Variants in OSBPL8 observed in about 807,000 individuals in gnomAD.
OSBPL8 encodes the protein oxysterol binding protein like 8.
In OSBPL8, 59 loss-of-function variants were observed where a neutral mutation model predicts 125.5. The observed-to-expected ratio is 0.47, with a 90% CI of 0.38 to 0.58. OSBPL8 has a LOEUF of 0.58. OSBPL8 is among the 20% of genes least tolerant of loss of function. The pLI is 0.00. For synonymous variants in OSBPL8, 330 were observed against 338.9 expected (o/e 0.97, Z 0.29); for missense variants, 758 against 1,047.8 (o/e 0.72, Z 3.82).
At chr12:76,536,350 T>G (rs1461011506) in intron 1 of OSBPL8, among the ~76,000 whole-genome samples, 1 of 151,484 alleles carries the variant, frequency 6.6e-6, no homozygotes, top group Non-Finnish European at 1.5e-5. Flanking sequence ...ATACTAAATA[T>G]TAAATACTAA....
chr12:76,422,246 A>T (rs910664719), intron 4 of OSBPL8, among the ~76,000 whole-genome samples: 24 of 152,228 alleles, frequency 1.6e-4, no homozygotes, highest in African/African-American at 4.8e-4. Flanking sequence ...AAGGGTCATA[A>T]TATTTCTATA....
intron 1 of OSBPL8, among the ~76,000 whole-genome samples, chr12:76,531,116 T>C (rs762105002): frequency 1.6e-4 from 25 of 152,110 alleles, no homozygotes; most frequent in Non-Finnish European, 3.1e-4. Flanking sequence ...CTTACAATCA[T>C]GGCAGAAGGC....
intron 12 of OSBPL8, 34 bp downstream of exon 12, chr12:76,389,611 T>G (rs754319508): frequency 2.0e-5 from 28 of 1,429,432 alleles, no homozygotes; most frequent in African/African-American, 5.8e-5. Context: ...AATCATGAAG[T>G]ATTGTCTATT....
intron 4 of OSBPL8, chr12:76,422,396 T>C (rs1209568018): frequency 8.1e-6 from 3 of 368,752 alleles, no homozygotes; most frequent in African/African-American, 6.3e-5. Context: ...AAACCTAAGC[T>C]TTCACTACAG....
intron 1 of OSBPL8, among the ~76,000 whole-genome samples, chr12:76,488,669 G>A (rs1291040986): frequency 6.6e-6 from 1 of 152,152 alleles, no homozygotes; most frequent in Admixed American, 6.5e-5. Flanking sequence ...ACAAGTAACT[G>A]AACTGATAAA....
At chr12:76,543,531 T>C (rs1950700987) in intron 1 of OSBPL8, among the ~76,000 whole-genome samples, 10 of 152,216 alleles carry the variant, frequency 6.6e-5, no homozygotes, top group Admixed American at 5.9e-4. Flanking sequence ...AGGAGTTTAC[T>C]GTCGATTTTC....
chr12:76,366,556 CTTCA>C, intron 21 of OSBPL8: 1 of 430,676 alleles, frequency 2.3e-6, no homozygotes, highest in Non-Finnish European at 4.6e-6. Flanking sequence ...GTACTCTAAT[CTTCA>C]TTATTTTCTT....
intron 1 of OSBPL8, among the ~76,000 whole-genome samples, chr12:76,525,492 G>T (rs1035348943): frequency 6.6e-6 from 1 of 152,042 alleles, no homozygotes; most frequent in African/African-American, 2.4e-5. Context: ...TTTGAGGGAA[G>T]AGCAATATTC....
chr12:76,455,093 A>T (rs1318339088), intron 3 of OSBPL8, among the ~76,000 whole-genome samples: 1 of 151,474 alleles, frequency 6.6e-6, no homozygotes, highest in Non-Finnish European at 1.5e-5. Context: ...AAAAAAAAAA[A>T]TTAGCTGGGC....
chr12:76,549,746 T>C (rs984113475), intron 1 of OSBPL8, among the ~76,000 whole-genome samples: 2 of 152,148 alleles, frequency 1.3e-5, no homozygotes, highest in African/African-American at 4.8e-5. Flanking sequence ...CCTTTCAGGG[T>C]TCTAAAGGAA....
intron 4 of OSBPL8, among the ~76,000 whole-genome samples, chr12:76,435,400 G>A (rs1002907811): frequency 2.6e-5 from 4 of 152,138 alleles, no homozygotes; most frequent in African/African-American, 9.7e-5. Flanking sequence ...AGGTTGGGGA[G>A]TGGAGGAAAT....
At position 76,352,250 on chromosome 12, in the gene OSBPL8, A is replaced by G. The variant is rs760432071; in HGVS notation, c.*3639T>C. 7 of 152,516 alleles carry G rather than the reference A, an allele frequency of 4.6e-5. No homozygotes were observed. Among genetic ancestry groups the G allele is most frequent in the African/African-American group, 7.2e-5 (3 of 41,458 alleles). The allele number at this position is 152,516 out of a possible 1,614,324, so 9.4% of individuals were successfully genotyped here. The stretch of plus-strand genomic sequence containing the variant: ...AGTTTTACATAATAAATGCAAAAAG[A>G]TAACATTTTCTAAATTTTTAGAAAG... On this transcript the variant is annotated 3_prime_UTR_variant, in exon 24 of 24. Transcript: ENST00000261183.
At chr12:76,377,853 T>C (rs1344224775) in intron 16 of OSBPL8, among the ~76,000 whole-genome samples, 3 of 152,114 alleles carry the variant, frequency 2.0e-5, no homozygotes, top group African/African-American at 7.2e-5. Flanking sequence ...TCATTTTTCC[T>C]CTTCTAAAAA....
chr12:76,430,146 C>T (rs1408373583), intron 4 of OSBPL8, among the ~76,000 whole-genome samples: 1 of 152,120 alleles, frequency 6.6e-6, no homozygotes. Context: ...TACACCCAAC[C>T]ACATTCTTCT....
At chr12:76,406,622 T>TG (rs2136389142) in intron 5 of OSBPL8, among the ~76,000 whole-genome samples, 1 of 152,292 alleles carries the variant, frequency 6.6e-6, no homozygotes, top group South Asian at 2.1e-4. Context: ...AAAGAGGAAC[T>TG]GCCTTATTTT....
rs557386364 is a variant in OSBPL8 at position 76,464,952 on chromosome 12, T to C, written c.43-5057A>G. On this transcript the variant is annotated intron_variant, in intron 2 of 23. Transcript: ENST00000261183. ...TTAGCGTTATCATAGGCCCTTAGAA[T>C]AACAAACTTCAGAGAGAGCTATATA... 6.3e-4 allele frequency among the ~76,000 whole-genome samples: 96 copies of C among 152,306 alleles called. No homozygotes were observed. The South Asian group carries it at 6.8e-3, about 11-fold the overall frequency.
At chr12:76,356,232 G>A (rs1951982083) in intron 23 of OSBPL8, among the ~76,000 whole-genome samples, 1 of 152,018 alleles carries the variant, frequency 6.6e-6, no homozygotes, top group African/African-American at 2.4e-5. Flanking sequence ...TTTACCCAAT[G>A]TTATGGATGT....
intron 4 of OSBPL8, among the ~76,000 whole-genome samples, chr12:76,430,966 C>T (rs974008235): frequency 6.6e-6 from 1 of 152,042 alleles, no homozygotes; most frequent in African/African-American, 2.4e-5. Flanking sequence ...TAAAGACAAA[C>T]ACAGAACATT....
At chr12:76,459,206 C>T (rs986505162) in intron 3 of OSBPL8, among the ~76,000 whole-genome samples, 1 of 152,044 alleles carries the variant, frequency 6.6e-6, no homozygotes, top group Non-Finnish European at 1.5e-5. Flanking sequence ...CTCAGCAATT[C>T]TATGATTTTT....
Sources: gnomAD v4.1 joint callset for allele counts (sites outside exome capture counted in the v4.1 genomes callset) on GRCh38, gnomAD v4.1.1 for gene constraint, MANE v1.5 for transcripts, NCBI Gene and HGNC (gene_info 2026-07-23, HGNC 2026-07-21) for gene names.